Variants in KSR2 observed in about 807,000 individuals in gnomAD.
The protein encoded by KSR2 is kinase suppressor of ras 2.
A neutral mutation model predicts 107.8 loss-of-function variants in KSR2; 25 were observed. That is an observed-to-expected ratio of 0.23 (90% CI 0.17 to 0.32). The LOEUF (loss-of-function observed/expected upper bound fraction) is 0.32, where lower values mean the gene tolerates loss of function less well. KSR2 is among the 10% of genes least tolerant of loss of function. The probability of loss-of-function intolerance (pLI) is 1.00; values close to 1 mark genes in which losing one functional copy is unlikely to be tolerated. For synonymous variants in KSR2, 480 were observed against 507.0 expected (o/e 0.95, Z 0.71); for missense variants, 887 against 1,268.9 (o/e 0.70, Z 4.57).
intron 14 of KSR2, among the ~76,000 whole-genome samples, chr12:117,490,119 C>T (rs1235206564): frequency 2.0e-5 from 3 of 152,168 alleles, no homozygotes; most frequent in Admixed American, 6.5e-5. Flanking sequence ...AGGACCAGCT[C>T]GTGGATGCAT....
chr12:117,699,519 T>C (rs1320242026), intron 4 of KSR2, among the ~76,000 whole-genome samples: 1 of 152,204 alleles, frequency 6.6e-6, no homozygotes, highest in Non-Finnish European at 1.5e-5. Context: ...CAGTACAGCA[T>C]GTTACTGTAC....
At chr12:117,793,478 C>A (rs1380817652) in intron 3 of KSR2, among the ~76,000 whole-genome samples, 1 of 142,194 alleles carries the variant, frequency 7.0e-6, no homozygotes, top group Non-Finnish European at 1.6e-5. Flanking sequence ...CCAACATGCA[C>A]ACTCACATCA....
chr12:117,837,157 G>A (rs1019089855), intron 3 of KSR2, among the ~76,000 whole-genome samples: 10 of 152,140 alleles, frequency 6.6e-5, no homozygotes, highest in African/African-American at 2.4e-4. Flanking sequence ...GGGGCCAGCC[G>A]GGAAAGAAAC....
In KSR2 at chr12:117,633,719, A is replaced by G. The variant is rs569618107; in HGVS notation, c.1171+33755T>C. Among the ~76,000 whole-genome samples the G allele has an allele frequency of 8.5e-5, 13 of 152,230 alleles. No homozygotes were observed. In the East Asian group the frequency reaches 2.3e-3, roughly 27 times the overall value. On this transcript the variant is annotated intron_variant, in intron 5 of 19. Transcript: ENST00000339824. ...ATTGCGTTTAGGGCTCACTTAATCC[A>G]TCGTGACCTCACCCTAACTCATCGC...
chr12:117,938,665 A>ACTTGAGC (rs1374006887), intron 1 of KSR2, among the ~76,000 whole-genome samples: 1 of 151,942 alleles, frequency 6.6e-6, no homozygotes, highest in Admixed American at 6.6e-5. Flanking sequence ...CAGGAAGATC[A>ACTTGAGC]CTTGAGCCCA....
intron 1 of KSR2, among the ~76,000 whole-genome samples, chr12:117,943,734 G>C (rs1046759677): frequency 1.3e-5 from 2 of 152,114 alleles, no homozygotes; most frequent in Non-Finnish European, 2.9e-5. Flanking sequence ...ATATGGTTTG[G>C]CTGTGTCCCC....
Position 117,852,321 on chromosome 12 carries a change from G to C in KSR2, c.472+3107C>G, listed in dbSNP as rs142463677. ...CATGCACCTGTAGTCCCAGTTACTC[G>C]GGAGGCTAAGGCAGGAGAACTGTTT... On this transcript the variant is annotated intron_variant, in intron 3 of 19. Coordinates refer to ENST00000339824, the MANE Select transcript of KSR2 (RefSeq NM_173598.6). Among the ~76,000 whole-genome samples, 798 of 151,668 alleles carry C rather than the reference G, an allele frequency of 5.3e-3. 6 individuals carry two copies. Among genetic ancestry groups the C allele is most frequent in the African/African-American group, 0.018 (747 of 41,356 alleles).
chr12:117,649,574 G>A (rs1365065953), intron 5 of KSR2, among the ~76,000 whole-genome samples: 1 of 152,112 alleles, frequency 6.6e-6, no homozygotes, highest in Non-Finnish European at 1.5e-5. Flanking sequence ...TTTTAAAGAT[G>A]GAGAACCTGA....
chr12:117,546,028 A>G (rs1356196242), intron 9 of KSR2, among the ~76,000 whole-genome samples: 1 of 152,176 alleles, frequency 6.6e-6, no homozygotes, highest in Non-Finnish European at 1.5e-5. Flanking sequence ...TTAAGAGGAG[A>G]AGGTATATGT....
intron 9 of KSR2, among the ~76,000 whole-genome samples, chr12:117,549,703 G>T (rs1459967310): frequency 1.3e-5 from 2 of 152,156 alleles, no homozygotes; most frequent in African/African-American, 4.8e-5. Flanking sequence ...CCTCCCACTA[G>T]ACTGTTACTT....
At chr12:117,797,474 C>T (rs993753866) in intron 3 of KSR2, among the ~76,000 whole-genome samples, 2 of 152,012 alleles carry the variant, frequency 1.3e-5, no homozygotes, top group Admixed American at 1.3e-4. Context: ...TTGCCAGAGA[C>T]TGTGGGAAGG....
intron 1 of KSR2, among the ~76,000 whole-genome samples, chr12:117,921,615 C>T (rs1419668721): frequency 2.0e-5 from 3 of 152,158 alleles, no homozygotes; most frequent in African/African-American, 7.2e-5. Context: ...GGTTACTTCA[C>T]GTCTCTGAAT....
intron 3 of KSR2, among the ~76,000 whole-genome samples, chr12:117,779,984 A>T (rs1281063362): frequency 1.3e-5 from 2 of 152,170 alleles, no homozygotes; most frequent in African/African-American, 4.8e-5. Flanking sequence ...CTTTGATCTG[A>T]AGATGCACAG....
intron 19 of KSR2, among the ~76,000 whole-genome samples, chr12:117,468,553 C>T (rs1014951365): frequency 1.3e-5 from 2 of 152,146 alleles, no homozygotes; most frequent in African/African-American, 2.4e-5. Flanking sequence ...CCACAGCCCC[C>T]GGGGACATCT....
At chr12:117,691,574 G>A (rs990392280) in intron 4 of KSR2, among the ~76,000 whole-genome samples, 5 of 152,186 alleles carry the variant, frequency 3.3e-5, no homozygotes, top group African/African-American at 9.7e-5. Flanking sequence ...AGGCCATGCC[G>A]GGTGCAGGCC....
At chr12:117,762,415 T>C (rs1170580219) in intron 3 of KSR2, among the ~76,000 whole-genome samples, 1 of 152,148 alleles carries the variant, frequency 6.6e-6, no homozygotes, top group Non-Finnish European at 1.5e-5. Flanking sequence ...ACTATGCCCT[T>C]TGCTTGGAAA....
At chr12:117,949,269 T>C (rs997245452) in intron 1 of KSR2, among the ~76,000 whole-genome samples, 2 of 151,158 alleles carry the variant, frequency 1.3e-5, no homozygotes, top group Non-Finnish European at 2.9e-5. Context: ...GACTTTATCA[T>C]ACCTTAAGTT....
At chr12:117,580,515 C>T (rs1238745078) in intron 6 of KSR2, among the ~76,000 whole-genome samples, 1 of 152,182 alleles carries the variant, frequency 6.6e-6, no homozygotes, top group Admixed American at 6.5e-5. Context: ...ATCAGCTCTG[C>T]CTCTTCCCCA....
At chr12:117,551,906 T>C (rs1470948823) in intron 9 of KSR2, among the ~76,000 whole-genome samples, 1 of 152,192 alleles carries the variant, frequency 6.6e-6, no homozygotes, top group Admixed American at 6.5e-5. Context: ...ATCTGACCTA[T>C]GTTTCAGTCT....
Sources: gnomAD v4.1 joint callset for allele counts (sites outside exome capture counted in the v4.1 genomes callset) on GRCh38, gnomAD v4.1.1 for gene constraint, MANE v1.5 for transcripts, NCBI Gene and HGNC (gene_info 2026-07-23, HGNC 2026-07-21) for gene names.